The following WNT10A variants were observed in gnomAD, a reference collection of about 807,000 sequenced individuals.
WNT10A encodes protein Wnt-10a.
In WNT10A, 37 loss-of-function variants were observed where a neutral mutation model predicts 36.1. That is an observed-to-expected ratio of 1.02 (90% confidence interval 0.79 to 1.35). The LOEUF (loss-of-function observed/expected upper bound fraction) is 1.35, where lower values mean the gene tolerates loss of function less well. WNT10A is among the 40% of genes most tolerant of loss of function. The probability of loss-of-function intolerance (pLI) is 0.00; values close to 1 mark genes in which losing one functional copy is unlikely to be tolerated. For missense variants in WNT10A, 613 were observed against 601.4 expected (o/e 1.02, Z -0.20); for synonymous variants, 255 against 254.1 (o/e 1.00, Z -0.03).
chr2:218,874,290 A>G, the WNT10A span: 2 of 164,078 alleles, frequency 1.2e-5, no homozygotes, highest in African/African-American at 4.8e-5. Flanking sequence ...GCTCCAGAAG[A>G]AGGTGGTTTT....
chr2:218,879,479 C>T (rs1297740117), upstream of WNT10A, among the ~76,000 whole-genome samples: 1 of 152,270 alleles, frequency 6.6e-6, no homozygotes, highest in African/African-American at 2.4e-5. Context: ...GCTGCCTTTC[C>T]CCTGCCCTCT....
chr2:218,891,118 C>T (rs1944645192), intron 3 of WNT10A, among the ~76,000 whole-genome samples: 1 of 152,126 alleles, frequency 6.6e-6, no homozygotes, highest in Non-Finnish European at 1.5e-5. Flanking sequence ...TGTTATTAAC[C>T]TTATGTTGAG....
intron 2 of WNT10A, among the ~76,000 whole-genome samples, chr2:218,883,079 C>A (rs1944536624): frequency 6.6e-6 from 1 of 152,256 alleles, no homozygotes; most frequent in Non-Finnish European, 1.5e-5. Flanking sequence ...ATTCCCTGTC[C>A]TCCCTCTCCG....
At chr2:218,887,922 G>A (rs1179954528) in intron 2 of WNT10A, among the ~76,000 whole-genome samples, 1 of 152,234 alleles carries the variant, frequency 6.6e-6, no homozygotes, top group Admixed American at 6.5e-5. Flanking sequence ...CTGAGGCACA[G>A]GGAGGTTAAG....
chr2:218,878,352 G>A (rs529100448), upstream of WNT10A, among the ~76,000 whole-genome samples: 5 of 152,218 alleles, frequency 3.3e-5, no homozygotes, highest in Non-Finnish European at 5.9e-5. The surrounding 1 kb of genome is among the most constrained non-coding windows in gnomAD (Gnocchi z 4.1). Context: ...GCAGAGCCAC[G>A]CCTGAGTGCA....
chr2:218,876,836 C>A (rs916391961), upstream of WNT10A, among the ~76,000 whole-genome samples: 1 of 152,176 alleles, frequency 6.6e-6, no homozygotes, highest in Admixed American at 6.5e-5. Flanking sequence ...TAACAGGGAG[C>A]GACAGACAGG....
intron 3 of WNT10A, among the ~76,000 whole-genome samples, chr2:218,891,641 G>T (rs1256092287): frequency 6.6e-6 from 1 of 152,140 alleles, no homozygotes; most frequent in Admixed American, 6.5e-5. Context: ...CGTTAAACTG[G>T]TTAATTAATG....
chr2:218,892,810 C>T lies in WNT10A; in HGVS notation c.793C>T (p.His265Tyr). 6.3e-7 allele frequency: 1 copy of T among 1,596,698 alleles called. No homozygotes were observed. The highest frequency in any genetic ancestry group is 8.5e-7 in the Non-Finnish European group (1 of 1,173,124). The change falls in exon 4 of 4, where the codon CAC (histidine) becomes TAC (tyrosine). Residue 265 changes from histidine to tyrosine, a missense_variant. His to Tyr is a moderately conservative substitution (Grantham distance 83, BLOSUM62 2). Coordinates refer to ENST00000258411, the MANE Select transcript of WNT10A (RefSeq NM_025216.3). ...GAACATGCGGCGGAAGTGCAAGTGCCACGGCACGTCAGGCAGCTGCCAGCT... is the reference window on the plus strand; with the variant it reads ...GAACATGCGGCGGAAGTGCAAGTGCTACGGCACGTCAGGCAGCTGCCAGCT... ...MENMRRKCKC[H>Y]GTSGSCQLKT...
chr2:218,892,922 C>T lies in WNT10A; in HGVS notation c.905C>T (p.Pro302Leu), dbSNP rs1207590627. The T allele has an allele frequency of 2.0e-6, 3 of 1,500,060 alleles. No individual in the cohort carries two copies. The highest frequency in any genetic ancestry group is 2.7e-6 in the Non-Finnish European group (3 of 1,127,158). The allele number at this position is 1,500,060 out of a possible 1,614,324, so 92.9% of individuals were successfully genotyped here. A position where few individuals can be genotyped will look rare whatever the true frequency, so the allele number is the denominator to read the frequency against. Residue 302 changes from proline to leucine, a missense_variant, in exon 4 of 4, where the codon CCG (proline) becomes CTG (leucine). Coordinates refer to ENST00000258411, the MANE Select transcript of WNT10A (RefSeq NM_025216.3). ...SRFHRATLIR[P>L]HNRNGGQLEP... ...TTCCACCGCGCCACGCTCATCCGGCCGCACAACCGCAACGGCGGCCAGCTG... is the reference window on the plus strand; with the variant it reads ...TTCCACCGCGCCACGCTCATCCGGCTGCACAACCGCAACGGCGGCCAGCTG...
At chr2:218,892,384 G>T (rs1944663529) in intron 3 of WNT10A, among the ~76,000 whole-genome samples, 3 of 148,348 alleles carry the variant, frequency 2.0e-5, no homozygotes, top group Admixed American at 6.7e-5. Context: ...ATACAGCGGG[G>T]CCAGCACCCT....
At position 218,889,872 on chromosome 2, in the gene WNT10A, C is replaced by T. The variant is rs369143747; in HGVS notation, c.377-112C>T. 7.3e-5 allele frequency: 113 copies of T among 1,547,784 alleles called. 1 individual carries two copies. Among genetic ancestry groups the T allele is most frequent in the East Asian group, 5.4e-4 (24 of 44,246 alleles). On this transcript the variant is annotated intron_variant, in intron 2 of 3. Transcript: ENST00000258411. ...TTTGACTCTGTTTCCTTGTGCCAGA[C>T]TCTCCTGCATACTGGGCTTCAGTTT...
At chr2:218,876,529 T>C (rs947935498), upstream of WNT10A, among the ~76,000 whole-genome samples, 1 of 152,122 alleles carries the variant, frequency 6.6e-6, no homozygotes, top group Non-Finnish European at 1.5e-5. Context: ...CTGCCTCCTC[T>C]TGGCTCCCTT....
chr2:218,874,829 T>A, the WNT10A span, among the ~76,000 whole-genome samples: 1 of 152,234 alleles, frequency 6.6e-6, no homozygotes, highest in Non-Finnish European at 1.5e-5. Flanking sequence ...ATTTTCTTTA[T>A]ACAAAGGGAT....
upstream of WNT10A, among the ~76,000 whole-genome samples, chr2:218,877,544 T>G (rs559203047): frequency 6.6e-6 from 1 of 151,932 alleles, no homozygotes; most frequent in African/African-American, 2.4e-5. This position sits in a 1 kb window ranked among gnomAD's most constrained non-coding sequence, Gnocchi z 4.1. Context: ...GCCATCAAAG[T>G]CCCCTGCTGG....
chr2:218,889,780 G>A (rs1418058165), intron 2 of WNT10A, among the ~76,000 whole-genome samples: 2 of 152,224 alleles, frequency 1.3e-5, no homozygotes, highest in African/African-American at 4.8e-5. Context: ...CTATTGGGAA[G>A]CCTCCCTCCC....
chr2:218,883,343 G>A (rs1944539862), intron 2 of WNT10A, among the ~76,000 whole-genome samples: 1 of 152,168 alleles, frequency 6.6e-6, no homozygotes, highest in South Asian at 2.1e-4. Context: ...CAGTGGAGGT[G>A]GAGTGGGAGA....
Position 218,882,411 on chromosome 2 carries a change from A to G in WNT10A, c.364A>G (p.Ile122Val), listed in dbSNP as rs201929547. Residue 122 changes from isoleucine to valine, a missense_variant, in exon 2 of 4, where the codon ATC becomes GTC. By Grantham distance (29) the Ile-to-Val change is conservative. Coordinates refer to ENST00000258411, the MANE Select transcript of WNT10A (RefSeq NM_025216.3). Reference sequence around the variant, plus strand: ...CAACAAGATCCCCTATGAGAGTCCCATCTTCAGCAGAGGTAGCTGCCCCTC... The same window carrying G: ...CAACAAGATCCCCTATGAGAGTCCCGTCTTCAGCAGAGGTAGCTGCCCCTC... ...TRNKIPYESP[I>V]FSRGFRESAF... is the part of the protein sequence containing the mutation. 3.7e-5 allele frequency: 60 copies of G among 1,614,128 alleles called. No homozygotes were observed. The South Asian group carries it at 6.6e-4, about 18-fold the overall frequency.
chr2:218,883,624 C>G (rs922180458), intron 2 of WNT10A, among the ~76,000 whole-genome samples: 1 of 151,330 alleles, frequency 6.6e-6, no homozygotes, highest in African/African-American at 2.4e-5. Context: ...CAGCCCGACG[C>G]GTGTGGCGGC....
At chr2:218,892,324 C>T (rs1039338878) in intron 3 of WNT10A, among the ~76,000 whole-genome samples, 2 of 146,888 alleles carry the variant, frequency 1.4e-5, no homozygotes, top group African/African-American at 5.2e-5. Context: ...CACACACACA[C>T]ACACACACAC....
Sources: allele counts gnomAD v4.1 joint callset (sites outside exome capture counted in the v4.1 genomes callset), GRCh38; gene constraint gnomAD v4.1.1; non-coding constraint Gnocchi (gnomAD v3.1); transcripts MANE v1.5; gene names NCBI Gene and HGNC (gene_info 2026-07-23, HGNC 2026-07-21).